The following PRDM5 variants were observed in gnomAD, a reference collection of about 807,000 sequenced individuals.
PRDM5 encodes PR/SET domain 5, also known as PR domain zinc finger protein 5.
A neutral mutation model predicts 81.2 loss-of-function variants in PRDM5; 56 were observed. The ratio of observed to expected loss-of-function variants is 0.69; its 90% CI spans 0.56 to 0.86. The LOEUF (loss-of-function observed/expected upper bound fraction) is 0.86, where lower values mean the gene tolerates loss of function less well. PRDM5 is among the 40% of genes least tolerant of loss of function. The probability of loss-of-function intolerance (pLI) is 0.00; values close to 1 mark genes in which losing one functional copy is unlikely to be tolerated. For synonymous variants in PRDM5, 267 were observed against 256.4 expected (o/e 1.04, Z -0.39); for missense variants, 697 against 770.1 (o/e 0.91, Z 1.12).
rs900870069 is a variant in PRDM5, at chr4:120,691,917, G to C, written c.*3194C>G. 1.3e-5 allele frequency: 2 copies of C among 151,828 alleles called. No homozygotes were observed. The highest frequency in any genetic ancestry group is 6.6e-5 in the Admixed American group (1 of 15,234). The allele number at this position is 151,828 out of a possible 1,614,324, so 9.4% of individuals were successfully genotyped here. A position where few individuals can be genotyped will look rare whatever the true frequency, so the allele number is the denominator to read the frequency against. On this transcript the variant is annotated 3_prime_UTR_variant, in exon 16 of 16. Transcript: ENST00000264808. ...AAATAAAATGCTAACACCAAGTCTG[G>C]TAGTGATTTATATATATTTATTATA... is the stretch of plus-strand genomic sequence containing the variant.
At chr4:120,798,239 AAATAAT>A (rs1360404694) in intron 10 of PRDM5, 22 bp downstream of exon 10, 2 of 1,448,894 alleles carry the variant, frequency 1.4e-6, no homozygotes, top group Admixed American at 2.4e-5. Context: ...AATTCATAAA[AAATAAT>A]AATAATATTA....
At chr4:120,897,479 T>G (rs1365636955) in intron 2 of PRDM5, among the ~76,000 whole-genome samples, 1 of 152,180 alleles carries the variant, frequency 6.6e-6, no homozygotes, top group Non-Finnish European at 1.5e-5. Context: ...TCATACAGCT[T>G]CCTCAATTCA....
chr4:120,902,225 GC>G (rs1424611086), intron 2 of PRDM5, among the ~76,000 whole-genome samples: 1 of 152,180 alleles, frequency 6.6e-6, no homozygotes, highest in East Asian at 1.9e-4. Flanking sequence ...AGAACAGGTA[GC>G]AAGGAAATGC....
intron 15 of PRDM5, among the ~76,000 whole-genome samples, chr4:120,696,502 A>G (rs912079784): frequency 3.3e-5 from 5 of 152,270 alleles, no homozygotes; most frequent in African/African-American, 1.2e-4. Flanking sequence ...TAAGCACTCA[A>G]TAAGTATTTG....
chr4:120,885,165 G>GAAAAAA (rs1463163341), intron 2 of PRDM5, among the ~76,000 whole-genome samples: 29 of 126,794 alleles, frequency 2.3e-4, no homozygotes, highest in Non-Finnish European at 3.7e-4. Context: ...AAGTAAAAAA[G>GAAAAAA]AAAAGAAAAG....
chr4:120,788,463 T>C (rs926402595), intron 10 of PRDM5, among the ~76,000 whole-genome samples: 1 of 152,194 alleles, frequency 6.6e-6, no homozygotes. Context: ...TCTTTATACC[T>C]TTCTTTGCTA....
chr4:120,699,258 G>A (rs1295070285), intron 15 of PRDM5, among the ~76,000 whole-genome samples: 1 of 141,200 alleles, frequency 7.1e-6, no homozygotes, highest in African/African-American at 2.6e-5. Context: ...CATCACATAT[G>A]ATGATGTCAT....
At chr4:120,743,238 T>A (rs896033077) in intron 14 of PRDM5, among the ~76,000 whole-genome samples, 1 of 151,352 alleles carries the variant, frequency 6.6e-6, no homozygotes, top group African/African-American at 2.5e-5. Flanking sequence ...CTGAGAGATT[T>A]TGTCACCACT....
At chr4:120,749,295 G>A (rs1743617504) in intron 14 of PRDM5, among the ~76,000 whole-genome samples, 1 of 152,184 alleles carries the variant, frequency 6.6e-6, no homozygotes, top group Admixed American at 6.5e-5. Context: ...ACAAGTGATG[G>A]TTAATTCCTT....
intron 8 of PRDM5, 135 bp from the exon 9 acceptor site, chr4:120,799,880 T>G: frequency 6.9e-7 from 1 of 1,448,888 alleles, no homozygotes. Flanking sequence ...AGCCCTAATT[T>G]GTTCACACTA....
chr4:120,820,499 A>G (rs746408580), intron 4 of PRDM5, among the ~76,000 whole-genome samples: 8 of 152,368 alleles, frequency 5.3e-5, no homozygotes, highest in Middle Eastern at 3.4e-3. Flanking sequence ...AAAACACAAC[A>G]TAATAGAAAC....
At chr4:120,697,977 A>G (rs1734771263) in intron 15 of PRDM5, among the ~76,000 whole-genome samples, 1 of 152,076 alleles carries the variant, frequency 6.6e-6, no homozygotes, top group Admixed American at 6.6e-5. Flanking sequence ...AAAAAAGAAA[A>G]TGTCAATAGA....
chr4:120,769,697 A>G (rs529875415), intron 13 of PRDM5, among the ~76,000 whole-genome samples: 4 of 152,302 alleles, frequency 2.6e-5, no homozygotes, highest in African/African-American at 9.6e-5. Flanking sequence ...AGAACAGCAA[A>G]TTTTGTGGGA....
chr4:120,857,846 T>C lies in PRDM5; in HGVS notation c.178-4306A>G, dbSNP rs567450262. On this transcript the variant is annotated intron_variant, in intron 2 of 15. Transcript: ENST00000264808. ...GCTCAATTATTATTTGGATGGTTAATTTTCAAAGACGAGTCTACAATGTTG... is the reference window on the plus strand; with the variant it reads ...GCTCAATTATTATTTGGATGGTTAACTTTCAAAGACGAGTCTACAATGTTG... 6.6e-5 allele frequency among the ~76,000 whole-genome samples: 10 copies of C among 152,344 alleles called. No individual in the cohort carries two copies. In the East Asian group the frequency reaches 1.7e-3, roughly 26 times the overall value.
downstream of PRDM5, among the ~76,000 whole-genome samples, chr4:120,688,849 A>T (rs1053385709): frequency 3.3e-5 from 5 of 152,186 alleles, no homozygotes; most frequent in African/African-American, 7.2e-5. Context: ...TTATGCCAGT[A>T]AAAACTGGCA....
chr4:120,852,760 T>G (rs2149418422), intron 3 of PRDM5, among the ~76,000 whole-genome samples: 1 of 149,594 alleles, frequency 6.7e-6, no homozygotes, highest in South Asian at 2.1e-4. Flanking sequence ...TATTTTTATA[T>G]ATTTTTTATA....
At chr4:120,857,163 C>T (rs1024256801) in intron 2 of PRDM5, among the ~76,000 whole-genome samples, 36 of 152,124 alleles carry the variant, frequency 2.4e-4, no homozygotes, top group Non-Finnish European at 4.9e-4. Context: ...TGAGACCAGC[C>T]TGGCCAATAT....
chr4:120,874,351 C>A (rs1762135356), intron 2 of PRDM5, among the ~76,000 whole-genome samples: 4 of 152,006 alleles, frequency 2.6e-5, no homozygotes, highest in African/African-American at 9.7e-5. Context: ...ACAGAGCATG[C>A]AAAGTGGGAG....
intron 15 of PRDM5, among the ~76,000 whole-genome samples, chr4:120,697,056 C>T (rs530528490): frequency 1.3e-5 from 2 of 152,110 alleles, no homozygotes; most frequent in Non-Finnish European, 2.9e-5. Flanking sequence ...TGATGACAGA[C>T]TACAAAGTAT....
Sources: gnomAD v4.1 joint callset for allele counts (sites outside exome capture counted in the v4.1 genomes callset) on GRCh38, gnomAD v4.1.1 for gene constraint, MANE v1.5 for transcripts, NCBI Gene and HGNC (gene_info 2026-07-23, HGNC 2026-07-21) for gene names.